The following MEGF10 variants were observed in gnomAD, a reference collection of about 807,000 sequenced individuals.
The protein encoded by MEGF10 is multiple EGF like domains 10.
Under a neutral mutation model 147.5 loss-of-function variants are expected in MEGF10, and 86 were observed. That is an observed-to-expected ratio of 0.58 (90% confidence interval 0.49 to 0.70). The LOEUF (loss-of-function observed/expected upper bound fraction) is 0.70. MEGF10 is among the 30% of genes least tolerant of loss of function. The pLI, the probability that MEGF10 is intolerant of heterozygous loss-of-function variation, is 0.00. For missense variants in MEGF10, 1,329 were observed against 1,487.3 expected (o/e 0.89, Z 1.75); for synonymous variants, 478 against 525.5 (o/e 0.91, Z 1.24).
chr5:127,454,154 C>T (rs1766266110), intron 22 of MEGF10, among the ~76,000 whole-genome samples: 1 of 152,084 alleles, frequency 6.6e-6, no homozygotes. Context: ...ATAGTGAAGA[C>T]AATAATATAA....
the MEGF10 span, among the ~76,000 whole-genome samples, chr5:127,231,563 C>T: frequency 2.6e-5 from 4 of 152,336 alleles, no homozygotes; most frequent in Middle Eastern, 3.4e-3. Flanking sequence ...GTGTTTATCA[C>T]CATCTATAAT....
intron 5 of MEGF10, among the ~76,000 whole-genome samples, chr5:127,384,254 AAGT>A (rs1763353115): frequency 6.6e-6 from 1 of 152,254 alleles, no homozygotes; most frequent in Non-Finnish European, 1.5e-5. Context: ...GGTAAGGAGC[AAGT>A]AGTAAGTGCT....
intron 6 of MEGF10, among the ~76,000 whole-genome samples, chr5:127,396,994 AG>A (rs1231960429): frequency 6.6e-6 from 1 of 152,206 alleles, no homozygotes; most frequent in African/African-American, 2.4e-5. Flanking sequence ...CCTGAATCTA[AG>A]GGTCAGCTTC....
intron 10 of MEGF10, 39 bp downstream of exon 10, chr5:127,417,851 G>A (rs1417934083): frequency 1.3e-6 from 2 of 1,589,132 alleles, no homozygotes; most frequent in Admixed American, 1.8e-5. Context: ...GAAGAGGGGT[G>A]CAGTGTGAAG....
chr5:127,249,770 T>G, the MEGF10 span, among the ~76,000 whole-genome samples: 1 of 151,954 alleles, frequency 6.6e-6, no homozygotes. Flanking sequence ...GAATAAAAAT[T>G]TATTTATTGC....
At chr5:127,247,650 A>G in the MEGF10 span, among the ~76,000 whole-genome samples, 1 of 152,056 alleles carries the variant, frequency 6.6e-6, no homozygotes, top group Non-Finnish European at 1.5e-5. Context: ...TAGGCATTGG[A>G]AAATTGGCAG....
At chr5:127,256,537 A>G in the MEGF10 span, among the ~76,000 whole-genome samples, 1 of 152,094 alleles carries the variant, frequency 6.6e-6, no homozygotes, top group South Asian at 2.1e-4. Flanking sequence ...ATCCTGCTCC[A>G]TGGTCATAAA....
intron 1 of MEGF10, among the ~76,000 whole-genome samples, chr5:127,314,968 A>G (rs572792529): frequency 6.6e-6 from 1 of 152,272 alleles, no homozygotes; most frequent in East Asian, 1.9e-4. Flanking sequence ...GTTGTTTCCA[A>G]TATTTGCAGT....
rs1272309722 is a variant in MEGF10 at position 127,384,617 on chromosome 5, A to G, written c.413-11915A>G. ...AGATAAGCTTACACTGAAGTTATAA[A>G]ATGACAGTTCATTTAACAAACATTT... On this transcript the variant is annotated intron_variant, in intron 5 of 24. Transcript: ENST00000503335. Among the ~76,000 whole-genome samples, 3 of 152,214 alleles carry G rather than the reference A, an allele frequency of 2.0e-5. No homozygotes were observed. The East Asian group carries it at 5.8e-4, about 29-fold the overall frequency.
chr5:127,403,461 A>T (rs1290530164), intron 8 of MEGF10, among the ~76,000 whole-genome samples: 1 of 152,160 alleles, frequency 6.6e-6, no homozygotes, highest in East Asian at 1.9e-4. Flanking sequence ...CACTCTTCAA[A>T]TTATTTCAGA....
At chr5:127,283,910 C>T in the MEGF10 span, among the ~76,000 whole-genome samples, 16 of 152,272 alleles carry the variant, frequency 1.1e-4, no homozygotes, top group East Asian at 3.1e-3. Context: ...GGGGAAAACA[C>T]TAAGCTAGGG....
chr5:127,245,997 A>T, the MEGF10 span, among the ~76,000 whole-genome samples: 1 of 152,230 alleles, frequency 6.6e-6, no homozygotes, highest in Non-Finnish European at 1.5e-5. Flanking sequence ...ATGCTTTTTC[A>T]CTGTTGGTGG....
chr5:127,433,630 A>G, intron 14 of MEGF10, 121 bp downstream of exon 14: 1 of 1,209,722 alleles, frequency 8.3e-7, no homozygotes, highest in East Asian at 2.5e-5. Context: ...AAGGCAAAAG[A>G]GAGTGTAATG....
At position 127,404,568 on chromosome 5, in the gene MEGF10, T is replaced by C. The variant is rs139154443; in HGVS notation, c.917+1886T>C. On this transcript the variant is annotated intron_variant, in intron 8 of 24. Transcript: ENST00000503335. ...CATGATGTGTGCATCCTTCTTTTAA[T>C]GCTCTTGAATCTGTCATGTCCTGGA... Among the ~76,000 whole-genome samples the C allele has an allele frequency of 3.6e-3, 553 of 152,318 alleles. 6 individuals are homozygous for C. The highest frequency in any genetic ancestry group is 0.013 in the African/African-American group (531 of 41,572).
chr5:127,443,317 C>T (rs1765826478), intron 19 of MEGF10, among the ~76,000 whole-genome samples, 191 bp downstream of exon 19: 1 of 152,146 alleles, frequency 6.6e-6, no homozygotes, highest in Non-Finnish European at 1.5e-5. Context: ...GAAACAAAAG[C>T]TTAGAGAGGC....
At chr5:127,257,838 G>A in the MEGF10 span, among the ~76,000 whole-genome samples, 5 of 152,158 alleles carry the variant, frequency 3.3e-5, no homozygotes, top group Admixed American at 3.3e-4. Flanking sequence ...TTAGAAATAG[G>A]TATGTACATA....
intron 8 of MEGF10, among the ~76,000 whole-genome samples, chr5:127,404,445 C>A (rs1268312379): frequency 6.6e-6 from 1 of 152,012 alleles, no homozygotes; most frequent in Non-Finnish European, 1.5e-5. Context: ...AACCTATAAC[C>A]CCTTGTCAGA....
chr5:127,295,859 G>A (rs143472292), intron 1 of MEGF10, among the ~76,000 whole-genome samples: 53 of 152,220 alleles, frequency 3.5e-4, no homozygotes, highest in Admixed American at 1.6e-3. Flanking sequence ...AGATTCACTG[G>A]GTTCTGTTGA....
chr5:127,258,356 C>T, the MEGF10 span, among the ~76,000 whole-genome samples: 1 of 152,142 alleles, frequency 6.6e-6, no homozygotes, highest in East Asian at 1.9e-4. Context: ...TGGATTCAAG[C>T]ACTGTACCTT....
Sources: gnomAD v4.1 joint callset for allele counts (sites outside exome capture counted in the v4.1 genomes callset) on GRCh38, gnomAD v4.1.1 for gene constraint, MANE v1.5 for transcripts, NCBI Gene and HGNC (gene_info 2026-07-23, HGNC 2026-07-21) for gene names.